EPHB1: variants seen among roughly 807,000 people sequenced by gnomAD.
The protein encoded by EPHB1 is ephrin type-B receptor 1.
Under a neutral mutation model 94.4 loss-of-function variants are expected in EPHB1, and 30 were observed. The ratio of observed to expected loss-of-function variants is 0.32; its 90% CI spans 0.24 to 0.43. The LOEUF (loss-of-function observed/expected upper bound fraction) is 0.43. Among genes scored for constraint, EPHB1 ranks in the 20% least tolerant of loss-of-function variants. The pLI is 1.00. For synonymous variants in EPHB1, 522 were observed against 489.1 expected, an observed-to-expected ratio of 1.07 and a Z score of -0.89; for missense variants, 1,055 against 1,308.3, an observed-to-expected ratio of 0.81 and a Z score of 2.99.
intron 13 of EPHB1, among the ~76,000 whole-genome samples, chr3:135,243,168 C>CACTT (rs1943835671): frequency 6.6e-6 from 1 of 151,868 alleles, no homozygotes; most frequent in African/African-American, 2.4e-5. Context: ...AACAATTCAG[C>CACTT]ACTTACAGAA....
At chr3:135,181,658 A>G (rs1040510893) in intron 10 of EPHB1, among the ~76,000 whole-genome samples, 1 of 152,212 alleles carries the variant, frequency 6.6e-6, no homozygotes, top group Non-Finnish European at 1.5e-5. Context: ...TTCATCCCAG[A>G]GAGCACACAT....
chr3:135,177,339 A>G (rs1010029678), intron 9 of EPHB1, among the ~76,000 whole-genome samples: 4 of 152,202 alleles, frequency 2.6e-5, no homozygotes, highest in Admixed American at 2.6e-4. Flanking sequence ...TCCCTTTTGC[A>G]TTCTGAGTGC....
chr3:135,166,057 A>G lies in EPHB1; in HGVS notation c.1675A>G (p.Ile559Val), dbSNP rs1303050953. 3 of 1,613,770 alleles carry G rather than the reference A, an allele frequency of 1.9e-6. No homozygotes were observed. Among genetic ancestry groups the G allele is most frequent in the Non-Finnish European group, 2.5e-6 (3 of 1,179,792 alleles). Residue 559 changes from isoleucine to valine, a missense_variant, in exon 8 of 16, where the codon ATC becomes GTC. Transcript: ENST00000398015. ...GVVFVVSLVA[I>V]SIVCSRKRAY... is the part of the protein sequence containing the mutation. ...CGTGTTCGTTGTGTCCTTGGTGGCCATCTCTATCGTCTGTAGCAGGTAGGT... is the reference window on the plus strand; with the variant it reads ...CGTGTTCGTTGTGTCCTTGGTGGCCGTCTCTATCGTCTGTAGCAGGTAGGT...
At chr3:135,024,366 T>G (rs1433677637) in intron 3 of EPHB1, among the ~76,000 whole-genome samples, 1 of 152,226 alleles carries the variant, frequency 6.6e-6, no homozygotes, top group Non-Finnish European at 1.5e-5. Flanking sequence ...CTAGTGTTGC[T>G]CTAGTTGTGA....
intron 3 of EPHB1, among the ~76,000 whole-genome samples, chr3:134,976,633 G>GT: frequency 6.6e-6 from 1 of 152,232 alleles, no homozygotes; most frequent in East Asian, 1.9e-4. Flanking sequence ...CTATGCATCT[G>GT]TAACACCCAT....
chr3:135,204,147 T>G (rs1051804671), intron 12 of EPHB1, among the ~76,000 whole-genome samples: 4 of 152,186 alleles, frequency 2.6e-5, no homozygotes, highest in Non-Finnish European at 5.9e-5. Context: ...ATATATCCTT[T>G]GTGTTACATA....
intron 3 of EPHB1, among the ~76,000 whole-genome samples, chr3:135,010,110 T>G (rs1054801608): frequency 6.6e-6 from 1 of 152,230 alleles, no homozygotes; most frequent in Non-Finnish European, 1.5e-5. Flanking sequence ...TAATTTGATT[T>G]GAATTTAATA....
At chr3:135,069,024 G>A (rs1937625837) in intron 3 of EPHB1, among the ~76,000 whole-genome samples, 3 of 147,510 alleles carry the variant, frequency 2.0e-5, no homozygotes, top group Non-Finnish European at 4.5e-5. Flanking sequence ...CCGGGCGTGA[G>A]CCACTGTGCC....
chr3:135,175,803 C>T (rs775214568), intron 9 of EPHB1, among the ~76,000 whole-genome samples: 9 of 152,180 alleles, frequency 5.9e-5, no homozygotes, highest in Non-Finnish European at 1.0e-4. Flanking sequence ...TTCCCCAACA[C>T]TCACAAATCT....
At chr3:134,878,052 C>A (rs1406869840) in intron 1 of EPHB1, among the ~76,000 whole-genome samples, 1 of 152,180 alleles carries the variant, frequency 6.6e-6, no homozygotes, top group Non-Finnish European at 1.5e-5. Context: ...ATGGAGATTA[C>A]CCCAGCCTTC....
intron 5 of EPHB1, among the ~76,000 whole-genome samples, chr3:135,146,975 A>C (rs887808737): frequency 6.6e-6 from 1 of 152,214 alleles, no homozygotes; most frequent in African/African-American, 2.4e-5. Flanking sequence ...GAAATTAATA[A>C]CATAAGAATT....
rs948499356 is a variant in EPHB1 at position 135,051,048 on chromosome 3, T to C, written c.806-55400T>C. ...CCAAGTGGGTCTTCCCTAAACCTCC[T>C]TTTTTAAAATATAAATTACCCAGCA... On this transcript the variant is annotated intron_variant, in intron 3 of 15. Coordinates refer to ENST00000398015, the MANE Select transcript of EPHB1 (RefSeq NM_004441.5). Among the ~76,000 whole-genome samples, 55 of 152,168 alleles carry C rather than the reference T, an allele frequency of 3.6e-4. 2 individuals carry two copies. Among genetic ancestry groups the C allele is most frequent in the Non-Finnish European group, 2.9e-5 (2 of 68,028 alleles).
intron 1 of EPHB1, among the ~76,000 whole-genome samples, chr3:134,848,479 C>T (rs1372040722): frequency 3.3e-5 from 5 of 152,242 alleles, no homozygotes; most frequent in Admixed American, 2.0e-4. Flanking sequence ...TTAATCAAGA[C>T]GATAACTTTA....
intron 2 of EPHB1, among the ~76,000 whole-genome samples, chr3:134,936,232 A>G (rs2107707267): frequency 6.6e-6 from 1 of 152,304 alleles, no homozygotes; most frequent in Non-Finnish European, 1.5e-5. Context: ...TGCACGTGAT[A>G]AGCACCTGAT....
chr3:134,927,815 C>T (rs1041091922), intron 2 of EPHB1, among the ~76,000 whole-genome samples: 1 of 152,238 alleles, frequency 6.6e-6, no homozygotes, highest in Non-Finnish European at 1.5e-5. Flanking sequence ...CCCCAACACT[C>T]ATTGTGAGGC....
At chr3:135,224,224 A>G (rs1256241579) in intron 12 of EPHB1, among the ~76,000 whole-genome samples, 1 of 152,250 alleles carries the variant, frequency 6.6e-6, no homozygotes, top group African/African-American at 2.4e-5. Flanking sequence ...CATGTTTCTC[A>G]GAATGTGTCT....
intron 11 of EPHB1, among the ~76,000 whole-genome samples, chr3:135,195,146 C>T (rs191577138): frequency 6.6e-6 from 1 of 152,088 alleles, no homozygotes. Context: ...TGTCAAGACC[C>T]TTTTGGGAGT....
At chr3:135,070,109 C>A (rs1474197175) in intron 3 of EPHB1, among the ~76,000 whole-genome samples, 1 of 152,184 alleles carries the variant, frequency 6.6e-6, no homozygotes, top group Non-Finnish European at 1.5e-5. Context: ...GCAAATGAAA[C>A]CACCATCATG....
intron 1 of EPHB1, among the ~76,000 whole-genome samples, chr3:134,870,008 T>G (rs974271622): frequency 6.6e-6 from 1 of 152,256 alleles, no homozygotes; most frequent in Non-Finnish European, 1.5e-5. Context: ...GCACTGGGTC[T>G]GTGCATTTTA....
Sources: allele counts gnomAD v4.1 joint callset (sites outside exome capture counted in the v4.1 genomes callset), GRCh38; gene constraint gnomAD v4.1.1; transcripts MANE v1.5; gene names NCBI Gene and HGNC (gene_info 2026-07-23, HGNC 2026-07-21).